Variants in ZC3H12C observed in about 807,000 individuals in gnomAD.
The protein encoded by ZC3H12C is probable ribonuclease ZC3H12C.
Under a neutral mutation model 76.3 loss-of-function variants are expected in ZC3H12C, and 20 were observed. That is an observed-to-expected ratio of 0.26 (90% CI 0.18 to 0.38). ZC3H12C has a LOEUF of 0.38. ZC3H12C is among the 10% of genes least tolerant of loss of function. ZC3H12C has a pLI of 1.00. For synonymous variants in ZC3H12C, 352 were observed against 399.6 expected, an observed-to-expected ratio of 0.88 and a Z score of 1.42; for missense variants, 874 against 1,086.5, an observed-to-expected ratio of 0.80 and a Z score of 2.75.
intron 1 of ZC3H12C, among the ~76,000 whole-genome samples, chr11:110,119,121 T>G (rs576189970): frequency 5.3e-5 from 8 of 152,288 alleles, no homozygotes; most frequent in African/African-American, 1.9e-4. Flanking sequence ...TCTACAGTTA[T>G]TAACATGTGC....
chr11:110,117,637 GAT>G (rs528250347), intron 1 of ZC3H12C, among the ~76,000 whole-genome samples: 27 of 141,528 alleles, frequency 1.9e-4, no homozygotes, highest in African/African-American at 5.8e-4. Flanking sequence ...TCCCACATGA[GAT>G]ATATATATAT....
chr11:110,125,518 A>G (rs1397437116), intron 1 of ZC3H12C, among the ~76,000 whole-genome samples: 2 of 152,078 alleles, frequency 1.3e-5, no homozygotes, highest in Non-Finnish European at 2.9e-5. Context: ...GGGTTTCACC[A>G]TGTTGGCCAG....
intron 1 of ZC3H12C, chr11:110,131,152 A>G: frequency 7.2e-7 from 1 of 1,382,342 alleles, no homozygotes; most frequent in East Asian, 2.5e-5. Context: ...AAACTTTGCT[A>G]AATATTCAGA....
At chr11:110,151,503 TA>T (rs1862269951) in intron 2 of ZC3H12C, among the ~76,000 whole-genome samples, 1 of 152,218 alleles carries the variant, frequency 6.6e-6, no homozygotes, top group South Asian at 2.1e-4. Flanking sequence ...AGTAAAATTT[TA>T]GTGAGGTTTT....
chr11:110,142,077 T>A (rs1220670658), intron 2 of ZC3H12C, among the ~76,000 whole-genome samples: 2 of 152,190 alleles, frequency 1.3e-5, no homozygotes, highest in African/African-American at 4.8e-5. Context: ...GCCCCATTTC[T>A]CTTACTGTTT....
At position 110,165,909 on chromosome 11, in the gene ZC3H12C, T is replaced by G; in HGVS notation, c.*172T>G. 1.6e-6 allele frequency: 1 copy of G among 643,362 alleles called. No homozygotes were observed. Among genetic ancestry groups the G allele is most frequent in the Non-Finnish European group, 2.5e-6 (1 of 397,902 alleles). The allele number at this position is 643,362 out of a possible 1,614,324, so 39.9% of individuals were successfully genotyped here. A position where few individuals can be genotyped will look rare whatever the true frequency, so the allele number is the denominator to read the frequency against. On this transcript the variant is annotated 3_prime_UTR_variant, in exon 6 of 6. Coordinates refer to ENST00000278590, the MANE Select transcript of ZC3H12C (RefSeq NM_033390.2). ...TATGTATAGCCCCACATGGTGGAAG[T>G]ATCACGGGATTGCTTTACATTTAAA...
intron 1 of ZC3H12C, among the ~76,000 whole-genome samples, chr11:110,125,967 G>A (rs1398945832): frequency 6.6e-6 from 1 of 152,150 alleles, no homozygotes; most frequent in Non-Finnish European, 1.5e-5. Context: ...TGACCTGAAG[G>A]CTTGAATGTT....
In ZC3H12C at chr11:110,164,661, G is replaced by A; in HGVS notation, c.1576G>A (p.Ala526Thr). 1 of 1,613,976 alleles carries A rather than the reference G, an allele frequency of 6.2e-7. No homozygotes were observed. The highest frequency in any genetic ancestry group is 8.5e-7 in the Non-Finnish European group (1 of 1,179,876). The change falls in exon 6 of 6, where the codon GCT becomes ACT. Residue 526 changes from alanine to threonine, a missense_variant. Around this residue, in one of 3 missense-constraint regions of ZC3H12C, gnomAD observed 269 missense variants for 424.9 expected, o/e 0.63. Transcript: ENST00000278590. The surrounding 1 kb of genome is among the most constrained non-coding windows in gnomAD (Gnocchi z 5.7). ...RSVPSLVSIP[A>T]TSTAKPQSTT... ...TGTACCTTCCTTAGTTAGCATCCCAGCTACTTCTACTGCAAAACCCCAAAG... is the reference window on the plus strand; with the variant it reads ...TGTACCTTCCTTAGTTAGCATCCCAACTACTTCTACTGCAAAACCCCAAAG...
chr11:110,117,713 TAC>T (rs1215066703), intron 1 of ZC3H12C, among the ~76,000 whole-genome samples: 4 of 13,900 alleles, frequency 2.9e-4, no homozygotes, highest in Non-Finnish European at 4.5e-4. Context: ...ATTATATATA[TAC>T]ACACACACAT....
intron 1 of ZC3H12C, among the ~76,000 whole-genome samples, chr11:110,097,745 T>A (rs1474852793): frequency 6.6e-6 from 1 of 152,216 alleles, no homozygotes; most frequent in African/African-American, 2.4e-5. Context: ...AGTCATGCAC[T>A]GCATAATCAT....
At chr11:110,132,657 C>A (rs1241866167) in intron 1 of ZC3H12C, among the ~76,000 whole-genome samples, 1 of 152,002 alleles carries the variant, frequency 6.6e-6, no homozygotes, top group African/African-American at 2.4e-5. Flanking sequence ...CCTGATAATA[C>A]AGTTTAAAAA....
At chr11:110,154,365 A>G (rs1862334529) in intron 3 of ZC3H12C, among the ~76,000 whole-genome samples, 1 of 87,276 alleles carries the variant, frequency 1.1e-5, no homozygotes, top group Non-Finnish European at 2.8e-5. Context: ...GTGAGACCCC[A>G]TCTCAAAAAA....
chr11:110,121,094 G>A (rs948445827), intron 1 of ZC3H12C, among the ~76,000 whole-genome samples: 1 of 152,136 alleles, frequency 6.6e-6, no homozygotes. Flanking sequence ...ATCTCTAGGT[G>A]GGACTTTGGC....
intron 2 of ZC3H12C, among the ~76,000 whole-genome samples, chr11:110,146,087 T>C (rs546838691): frequency 2.4e-4 from 37 of 152,202 alleles, no homozygotes; most frequent in African/African-American, 3.1e-4. Flanking sequence ...CCCGGGTTCA[T>C]GCCATTCTCC....
intron 1 of ZC3H12C, among the ~76,000 whole-genome samples, chr11:110,128,264 G>A (rs1022283785): frequency 1.3e-5 from 2 of 152,056 alleles, no homozygotes; most frequent in Non-Finnish European, 2.9e-5. Flanking sequence ...GCCAGCCTGG[G>A]GGCTGTCTTT....
At chr11:110,094,239 G>C (rs1467318108) in intron 1 of ZC3H12C, among the ~76,000 whole-genome samples, 1 of 152,194 alleles carries the variant, frequency 6.6e-6, no homozygotes, top group Non-Finnish European at 1.5e-5. Flanking sequence ...TTGTGATAAA[G>C]AGATGAAAGA....
In ZC3H12C at chr11:110,168,590, C is replaced by T. The variant is rs1400582783; in HGVS notation, c.*2853C>T. 2.0e-5 allele frequency: 3 copies of T among 152,146 alleles called. No individual in the cohort carries two copies. The highest frequency in any genetic ancestry group is 7.2e-5 in the African/African-American group (3 of 41,442). 9.4% of individuals were successfully genotyped at this position (152,146 alleles called of 1,614,324 possible). A position where few individuals can be genotyped will look rare whatever the true frequency, so the allele number is the denominator to read the frequency against. On this transcript the variant is annotated 3_prime_UTR_variant, in exon 6 of 6. Coordinates refer to ENST00000278590, the MANE Select transcript of ZC3H12C (RefSeq NM_033390.2). Reference sequence around the variant, plus strand: ...TCAACTGATCGGAAAAAAAAGGATTCAGACTGGAGTATTTTGCCCCTGAAT... The same window carrying T: ...TCAACTGATCGGAAAAAAAAGGATTTAGACTGGAGTATTTTGCCCCTGAAT...
Position 110,159,214 on chromosome 11 carries a change from A to G in ZC3H12C, c.914-42A>G, listed in dbSNP as rs1862434083. The G allele has an allele frequency of 4.0e-6, 6 of 1,484,134 alleles. 1 individual carries two copies. The highest frequency in any genetic ancestry group is 3.7e-6 in the Non-Finnish European group (4 of 1,081,612). 91.9% of individuals were successfully genotyped at this position (1,484,134 alleles called of 1,614,324 possible). A position where few individuals can be genotyped will look rare whatever the true frequency, so the allele number is the denominator to read the frequency against. ...ATGAAAGTTGCCATGTGTGTTATCT[A>G]TGTATTTACTTTCTGCCATCCTACC... On this transcript the variant is annotated intron_variant, in intron 3 of 5. Transcript: ENST00000278590.
intron 1 of ZC3H12C, among the ~76,000 whole-genome samples, chr11:110,107,849 G>A (rs959554650): frequency 2.0e-5 from 3 of 152,006 alleles, no homozygotes; most frequent in Admixed American, 6.6e-5. Context: ...TTTTTGTAGA[G>A]ACAAGGTTTT....
Sources: gnomAD v4.1 joint callset for allele counts (sites outside exome capture counted in the v4.1 genomes callset) on GRCh38, gnomAD v4.1.1 for gene constraint, gnomAD v4.1.1 regional missense constraint, Gnocchi (gnomAD v3.1) non-coding constraint, MANE v1.5 for transcripts, NCBI Gene and HGNC (gene_info 2026-07-23, HGNC 2026-07-21) for gene names.